TRANK1: variants seen among roughly 807,000 people sequenced by gnomAD.
TRANK1 encodes the protein tetratricopeptide repeat and ankyrin repeat containing 1.
Under a neutral mutation model 266.0 loss-of-function variants are expected in TRANK1, and 198 were observed. The observed-to-expected ratio is 0.74, with a 90% CI of 0.66 to 0.84. The LOEUF (loss-of-function observed/expected upper bound fraction) is 0.84. TRANK1 is among the 40% of genes least tolerant of loss of function. The pLI, the probability that TRANK1 is intolerant of heterozygous loss-of-function variation, is 0.00. For synonymous variants in TRANK1, 1,396 were observed against 1,384.1 expected, an observed-to-expected ratio of 1.01 and a Z score of -0.19; for missense variants, 3,326 against 3,634.6, an observed-to-expected ratio of 0.92 and a Z score of 2.18.
intron 20 of TRANK1, among the ~76,000 whole-genome samples, 188 bp from the exon 21 acceptor site, chr3:36,835,095 G>A (rs1003342614): frequency 7.9e-5 from 12 of 151,798 alleles, no homozygotes; most frequent in African/African-American, 2.7e-4. Flanking sequence ...CGAGGCGGGC[G>A]GATCACGAGG....
At chr3:36,905,364 G>A (rs1243759487) in intron 2 of TRANK1, among the ~76,000 whole-genome samples, 2 of 152,146 alleles carry the variant, frequency 1.3e-5, no homozygotes, top group African/African-American at 4.8e-5. Context: ...GGAACCATTG[G>A]GAGGTAATTA....
At chr3:36,867,661 T>C (rs1046250390) in intron 9 of TRANK1, among the ~76,000 whole-genome samples, 3 of 151,876 alleles carry the variant, frequency 2.0e-5, no homozygotes, top group Non-Finnish European at 1.5e-5. Context: ...TAATCAAGAG[T>C]TTTTTAAAAG....
chr3:36,900,017 G>A (rs144833604), intron 3 of TRANK1, among the ~76,000 whole-genome samples: 1 of 152,232 alleles, frequency 6.6e-6, no homozygotes, highest in Non-Finnish European at 1.5e-5. Context: ...GCACCACCAT[G>A]CCCAGATAAT....
chr3:36,883,655 C>T (rs977861265), intron 8 of TRANK1, among the ~76,000 whole-genome samples: 1 of 151,686 alleles, frequency 6.6e-6, no homozygotes, highest in African/African-American at 2.4e-5. Flanking sequence ...GATGGGCAGG[C>T]GGCAGAAAGG....
In TRANK1 at chr3:36,856,635, G is replaced by A; in HGVS notation, c.3087C>T (p.Phe1029=). 1 of 1,614,010 alleles carries A rather than the reference G, an allele frequency of 6.2e-7. No homozygotes were observed. The highest frequency in any genetic ancestry group is 1.1e-5 in the South Asian group (1 of 91,080). The part of the protein sequence containing the change: ...AVETEYNIMK[F]HSFSTNMAFN... ...AGGCCATGTTGGTGCTGAAGCTGTG[G>A]AACTTCATGATGTTATATTCTGTCT... is the stretch of plus-strand genomic sequence containing the variant. The change falls in exon 13 of 24, where the codon TTC becomes TTT. Residue 1029 remains phenylalanine, a synonymous_variant. Transcript: ENST00000645898.
intron 9 of TRANK1, among the ~76,000 whole-genome samples, chr3:36,872,243 C>T (rs529709873): frequency 1.4e-4 from 21 of 152,130 alleles, no homozygotes; most frequent in Admixed American, 1.3e-3. Flanking sequence ...TCTACTAAAA[C>T]TACAAAAAGT....
In TRANK1 at chr3:36,899,131, A is replaced by C; in HGVS notation, c.411T>G (p.Val137=). 1 of 1,537,282 alleles carries C rather than the reference A, an allele frequency of 6.5e-7. No individual in the cohort carries two copies. The highest frequency in any genetic ancestry group is 8.7e-7 in the Non-Finnish European group (1 of 1,146,926). ...TACTGCTCATAGTGGTGAAGACTCC[A>C]ACAAGGAAATCAGCAACCGGTGCCT... is the stretch of plus-strand genomic sequence containing the variant. ...QDQAPVADFL[V]GVFTTMSSDS... Residue 137 remains valine, a synonymous_variant, in exon 4 of 24, where the codon GTT becomes GTG. Coordinates refer to ENST00000645898, the MANE Select transcript of TRANK1 (RefSeq NM_001329998.2).
intron 3 of TRANK1, among the ~76,000 whole-genome samples, chr3:36,900,356 C>CA (rs971911169): frequency 2.6e-5 from 4 of 152,058 alleles, no homozygotes; most frequent in African/African-American, 9.7e-5. Flanking sequence ...TAATGACAAA[C>CA]ATTGAGATTT....
At chr3:36,922,775 CAAAAGA>C (rs1053103502) in intron 1 of TRANK1, among the ~76,000 whole-genome samples, 20 of 132,968 alleles carry the variant, frequency 1.5e-4, no homozygotes, top group Non-Finnish European at 2.6e-4. Flanking sequence ...GACTCTGTCT[CAAAAGA>C]AAAAAAAAAA....
chr3:36,935,445 CTTTTT>C (rs11374436), intron 1 of TRANK1, among the ~76,000 whole-genome samples: 1 of 83,698 alleles, frequency 1.2e-5, no homozygotes, highest in Admixed American at 1.4e-4. Context: ...TGCCTGAATT[CTTTTT>C]TTTTTTTTTT....
intron 16 of TRANK1, 78 bp from the exon 17 acceptor site, chr3:36,846,482 C>T (rs4678910): frequency 2.1e-6 from 3 of 1,453,220 alleles, no homozygotes. Context: ...TGGGCTTACT[C>T]TAATTTTGGA....
At chr3:36,867,749 A>T (rs1358897132) in intron 9 of TRANK1, among the ~76,000 whole-genome samples, 1 of 152,262 alleles carries the variant, frequency 6.6e-6, no homozygotes, top group Non-Finnish European at 1.5e-5. Flanking sequence ...TTGCTTTTAT[A>T]TAAAACTATA....
At position 36,899,221 on chromosome 3, in the gene TRANK1, G is replaced by T; in HGVS notation, c.321C>A (p.His107Gln). 1 of 1,537,302 alleles carries T rather than the reference G, an allele frequency of 6.5e-7. No homozygotes were observed. Among genetic ancestry groups the T allele is most frequent in the East Asian group, 2.4e-5 (1 of 40,926 alleles). The part of the protein sequence containing the change: ...YRAGYSLLRL[H>Q]QPYEAARMFF... ...ACATGCGAGCGGCTTCGTAAGGCTG[G>T]TGCAACCTCAGCAAGGAATAACCAG... Residue 107 changes from histidine to glutamine, a missense_variant, in exon 4 of 24, where the codon CAC becomes CAA. Coordinates refer to ENST00000645898, the MANE Select transcript of TRANK1 (RefSeq NM_001329998.2).
rs372797185 is a variant in TRANK1 at position 36,840,796 on chromosome 3, C to T, written c.5280+1826G>A. Among the ~76,000 whole-genome samples, 71 of 152,364 alleles carry T rather than the reference C, an allele frequency of 4.7e-4. 1 individual carries two copies. Among genetic ancestry groups the T allele is most frequent in the African/African-American group, 1.6e-3 (68 of 41,590 alleles). On this transcript the variant is annotated intron_variant, in intron 18 of 23. Transcript: ENST00000645898. ...GCCAACCCCCAGAAGCAGACATGCC[C>T]AGCTGACTGCAGACACATGAGGTGC...
At chr3:36,878,590 A>G (rs1469230654) in intron 8 of TRANK1, among the ~76,000 whole-genome samples, 1 of 152,146 alleles carries the variant, frequency 6.6e-6, no homozygotes, top group Non-Finnish European at 1.5e-5. Flanking sequence ...GAGGGAAACA[A>G]CAGACACTAG....
intron 5 of TRANK1, among the ~76,000 whole-genome samples, chr3:36,893,397 G>C (rs1280615886): frequency 6.6e-6 from 1 of 152,006 alleles, no homozygotes; most frequent in African/African-American, 2.4e-5. Flanking sequence ...CGTTTTAAAA[G>C]CCCCAAGTAC....
intron 1 of TRANK1, among the ~76,000 whole-genome samples, chr3:36,923,082 A>G (rs987823605): frequency 6.6e-6 from 1 of 152,164 alleles, no homozygotes; most frequent in Non-Finnish European, 1.5e-5. Flanking sequence ...GTGTTTTATC[A>G]GCACTGCACG....
chr3:36,904,546 G>C (rs572297109), intron 2 of TRANK1, among the ~76,000 whole-genome samples: 1 of 151,942 alleles, frequency 6.6e-6, no homozygotes, highest in South Asian at 2.1e-4. Context: ...AATCTTAATC[G>C]TAAAAATAAT....
Position 36,831,604 on chromosome 3 carries a change from A to T in TRANK1, c.7979T>A (p.Val2660Asp), listed in dbSNP as rs1383297115. Residue 2660 changes from valine (V) to aspartate (D), a missense_variant, in exon 22 of 24, where the codon GTC becomes GAC. Val to Asp is a radical substitution (Grantham distance 152). Transcript: ENST00000645898. The surrounding 1 kb of genome is among the most constrained non-coding windows in gnomAD (Gnocchi z 5.0). ...GACCTCCTCATAATAGAGGCCACGG[A>T]CTATGGACCCTTTGGTGTGCACAGG... The part of the protein sequence containing the change: ...WDPVHTKGSI[V>D]RGLYYEEVRL... 6.2e-7 allele frequency: 1 copy of T among 1,613,862 alleles called. No homozygotes were observed. Among genetic ancestry groups the T allele is most frequent in the African/African-American group, 1.3e-5 (1 of 75,034 alleles).
Sources: gnomAD v4.1 joint callset for allele counts (sites outside exome capture counted in the v4.1 genomes callset) on GRCh38, gnomAD v4.1.1 for gene constraint, Gnocchi (gnomAD v3.1) non-coding constraint, MANE v1.5 for transcripts, NCBI Gene and HGNC (gene_info 2026-07-23, HGNC 2026-07-21) for gene names.